SLC9A9: variants seen among roughly 807,000 people sequenced by gnomAD.
SLC9A9 encodes the protein sodium/hydrogen exchanger 9.
Under a neutral mutation model 77.8 loss-of-function variants are expected in SLC9A9, and 62 were observed. The ratio of observed to expected loss-of-function variants is 0.80; its 90% confidence interval spans 0.65 to 0.98. SLC9A9 has a LOEUF of 0.98. Among genes scored for constraint, SLC9A9 ranks in the 50% least tolerant of loss-of-function variants. The probability of loss-of-function intolerance (pLI) is 0.00; values close to 1 mark genes in which losing one functional copy is unlikely to be tolerated. For synonymous variants in SLC9A9, 320 were observed against 283.5 expected, an observed-to-expected ratio of 1.13 and a Z score of -1.29; for missense variants, 775 against 774.9, an observed-to-expected ratio of 1.00 and a Z score of 0.00.
chr3:143,606,434 C>CTATATATATATATATA (rs1427549304), intron 6 of SLC9A9, among the ~76,000 whole-genome samples: 114 of 52,922 alleles, frequency 2.2e-3, no homozygotes, highest in African/African-American at 3.0e-3. Flanking sequence ...CTCTCTCTCT[C>CTATATATATATATATA]TCTATATATA....
intron 12 of SLC9A9, among the ~76,000 whole-genome samples, chr3:143,435,959 T>C (rs1461022967): frequency 6.6e-6 from 1 of 152,164 alleles, no homozygotes; most frequent in Non-Finnish European, 1.5e-5. Context: ...GGAGAAATCA[T>C]GTAGAAAGGA....
At chr3:143,340,304 C>T (rs1168542992) in intron 14 of SLC9A9, among the ~76,000 whole-genome samples, 1 of 152,150 alleles carries the variant, frequency 6.6e-6, no homozygotes, top group African/African-American at 2.4e-5. Flanking sequence ...ATGCTCAACA[C>T]CAGCCTGAAA....
At chr3:143,402,800 CT>C (rs1357116672) in intron 12 of SLC9A9, among the ~76,000 whole-genome samples, 3 of 150,530 alleles carry the variant, frequency 2.0e-5, no homozygotes, top group Admixed American at 6.6e-5. Context: ...CAGTGTCTGC[CT>C]TTTGATTACA....
chr3:143,404,508 A>G (rs1050765884), intron 12 of SLC9A9, among the ~76,000 whole-genome samples: 2 of 152,166 alleles, frequency 1.3e-5, no homozygotes, highest in African/African-American at 2.4e-5. Context: ...TATTTCTAAT[A>G]GCTGCTTTGA....
intron 5 of SLC9A9, among the ~76,000 whole-genome samples, chr3:143,691,664 T>C (rs1203127104): frequency 6.6e-6 from 1 of 152,122 alleles, no homozygotes; most frequent in Non-Finnish European, 1.5e-5. Flanking sequence ...AATTGAGTCC[T>C]TCCTCCTTCT....
At chr3:143,368,615 G>A (rs980849647) in intron 13 of SLC9A9, among the ~76,000 whole-genome samples, 2 of 152,138 alleles carry the variant, frequency 1.3e-5, no homozygotes, top group African/African-American at 4.8e-5. Flanking sequence ...TGATAACAAA[G>A]ACAAATAATT....
intron 12 of SLC9A9, among the ~76,000 whole-genome samples, chr3:143,424,245 GA>G (rs113037872): frequency 0.044 from 6,517 of 148,520 alleles, 495 homozygotes; most frequent in African/African-American, 0.15. Context: ...AAAAATTCAA[GA>G]AAAAAAGGAC....
chr3:143,496,167 G>A (rs138454210), intron 9 of SLC9A9, among the ~76,000 whole-genome samples: 1 of 152,300 alleles, frequency 6.6e-6, no homozygotes, highest in African/African-American at 2.4e-5. Flanking sequence ...GTAATAACAT[G>A]CTATGATGAG....
intron 14 of SLC9A9, among the ~76,000 whole-genome samples, chr3:143,288,445 T>G (rs1345274630): frequency 6.6e-6 from 1 of 152,134 alleles, no homozygotes; most frequent in Non-Finnish European, 1.5e-5. Context: ...CTTTAACAAC[T>G]TAGAAAGGAA....
intron 4 of SLC9A9, among the ~76,000 whole-genome samples, chr3:143,763,565 C>T (rs1010384717): frequency 6.6e-6 from 1 of 152,136 alleles, no homozygotes; most frequent in African/African-American, 2.4e-5. Context: ...ATCAATTCAG[C>T]CTCCTGTGAT....
At chr3:143,812,499 T>A (rs905289363) in intron 2 of SLC9A9, among the ~76,000 whole-genome samples, 1 of 152,214 alleles carries the variant, frequency 6.6e-6, no homozygotes, top group Non-Finnish European at 1.5e-5. Context: ...CAGAATGGCA[T>A]GTCTGGCATG....
chr3:143,795,108 A>G, intron 3 of SLC9A9, 31 bp from the exon 4 acceptor site: 1 of 1,579,872 alleles, frequency 6.3e-7, no homozygotes, highest in Non-Finnish European at 8.7e-7. Context: ...TTAATAGAGT[A>G]CATCAGAATT....
At position 143,266,236 on chromosome 3, in the gene SLC9A9, CTT is replaced by C. The variant is rs946759301; in HGVS notation, c.*464_*465del. ...GGAGTCAAGTCCTCAAAATAAGAAACTTATCACTTACTAAATAGCTGGGCATT... is the reference window on the plus strand; with the variant it reads ...GGAGTCAAGTCCTCAAAATAAGAAACATCACTTACTAAATAGCTGGGCATT... On this transcript the variant is annotated 3_prime_UTR_variant, in exon 16 of 16. Transcript: ENST00000316549. 1.4e-5 allele frequency: 9 copies of C among 627,148 alleles called. No individual in the cohort carries two copies. In the African/African-American group the frequency reaches 1.7e-4, roughly 12 times the overall value. 38.8% of individuals were successfully genotyped at this position (627,148 alleles called of 1,614,324 possible).
At chr3:143,441,047 A>G (rs537423721) in intron 12 of SLC9A9, among the ~76,000 whole-genome samples, 3 of 152,076 alleles carry the variant, frequency 2.0e-5, no homozygotes, top group Non-Finnish European at 4.4e-5. Flanking sequence ...TTGTTAACCC[A>G]GTTTTTTTCT....
intron 9 of SLC9A9, chr3:143,503,540 G>A (rs2035960399): frequency 5.0e-6 from 2 of 402,904 alleles, no homozygotes; most frequent in Non-Finnish European, 9.8e-6. Flanking sequence ...CCAGATGGCA[G>A]GTCAGGTCTG....
chr3:143,576,429 C>A (rs1438579328), intron 7 of SLC9A9, among the ~76,000 whole-genome samples: 1 of 152,096 alleles, frequency 6.6e-6, no homozygotes, highest in Non-Finnish European at 1.5e-5. Flanking sequence ...CCTCCTTGAG[C>A]CTCAGTTTCC....
chr3:143,545,811 C>A (rs1485538257), intron 9 of SLC9A9, among the ~76,000 whole-genome samples: 1 of 152,104 alleles, frequency 6.6e-6, no homozygotes, highest in Non-Finnish European at 1.5e-5. Flanking sequence ...AATGGTGTAC[C>A]CAGTGATTTG....
At chr3:143,432,945 C>G (rs779196288) in intron 12 of SLC9A9, among the ~76,000 whole-genome samples, 1 of 152,156 alleles carries the variant, frequency 6.6e-6, no homozygotes, top group Non-Finnish European at 1.5e-5. Flanking sequence ...CATTTTATTC[C>G]AACTGAAGGC....
At chr3:143,445,728 C>T (rs1559918874) in intron 12 of SLC9A9, among the ~76,000 whole-genome samples, 2 of 152,228 alleles carry the variant, frequency 1.3e-5, no homozygotes, top group Non-Finnish European at 2.9e-5. Context: ...GCAGCAAAAA[C>T]TGGCATATAC....
Sources: allele counts gnomAD v4.1 joint callset (sites outside exome capture counted in the v4.1 genomes callset), GRCh38; gene constraint gnomAD v4.1.1; transcripts MANE v1.5; gene names NCBI Gene and HGNC (gene_info 2026-07-23, HGNC 2026-07-21).